The following ICA1 variants were observed in gnomAD, a reference collection of about 807,000 sequenced individuals.
ICA1 encodes 69 kDa islet cell autoantigen.
In ICA1, 40 loss-of-function variants were observed where a neutral mutation model predicts 71.0. The observed-to-expected ratio is 0.56, with a 90% CI of 0.44 to 0.73. ICA1 has a LOEUF of 0.73. Among genes scored for constraint, ICA1 ranks in the 30% least tolerant of loss-of-function variants. ICA1 has a pLI of 0.00. For synonymous variants in ICA1, 207 were observed against 209.5 expected (o/e 0.99, Z 0.10); for missense variants, 578 against 576.5 (o/e 1.00, Z -0.03).
chr7:8,143,764 G>A, intron 9 of ICA1, 111 bp downstream of exon 9: 2 of 690,122 alleles, frequency 2.9e-6, no homozygotes, highest in Non-Finnish European at 5.2e-6. Flanking sequence ...TCTGAGAAGT[G>A]AGGAAGTAAG....
chr7:8,197,827 G>C (rs1475631173), intron 6 of ICA1, among the ~76,000 whole-genome samples: 2 of 152,024 alleles, frequency 1.3e-5, no homozygotes, highest in African/African-American at 4.8e-5. Context: ...TCTGGCAATG[G>C]AAAAAACCTA....
At chr7:8,146,742 CGTGT>C (rs111464131) in intron 8 of ICA1, among the ~76,000 whole-genome samples, 51 of 143,686 alleles carry the variant, frequency 3.5e-4, no homozygotes, top group African/African-American at 9.8e-4. Context: ...TGTGCGTGTG[CGTGT>C]GTGTGTGTGT....
At chr7:8,170,809 T>C (rs1319044783) in intron 6 of ICA1, among the ~76,000 whole-genome samples, 2 of 152,004 alleles carry the variant, frequency 1.3e-5, no homozygotes, top group Non-Finnish European at 2.9e-5. Flanking sequence ...TTAATTTATA[T>C]GTCTTTTATT....
At chr7:8,208,913 G>C (rs1476522959) in intron 6 of ICA1, among the ~76,000 whole-genome samples, 1 of 152,182 alleles carries the variant, frequency 6.6e-6, no homozygotes, top group East Asian at 1.9e-4. Context: ...GCACTGAGGA[G>C]CCCTTGTTAA....
chr7:8,243,867 G>A lies in ICA1; in HGVS notation c.-79-7862C>T, dbSNP rs1008505903. 6.6e-5 allele frequency among the ~76,000 whole-genome samples: 10 copies of A among 152,310 alleles called. No homozygotes were observed. In the East Asian group the frequency reaches 1.9e-3, roughly 29 times the overall value. On this transcript the variant is annotated intron_variant, in intron 1 of 13. Coordinates refer to ENST00000402384, the MANE Select transcript of ICA1 (RefSeq NM_001136020.3). The stretch of plus-strand genomic sequence containing the variant: ...CAGGAATCCAACTTACAAGGGATGT[G>A]AAGGACCTCTTCAAGGAGAACTACA...
intron 13 of ICA1, chr7:8,114,788 T>G (rs756171778): frequency 6.6e-6 from 1 of 152,262 alleles, no homozygotes; most frequent in Non-Finnish European, 1.5e-5. Flanking sequence ...CTAAATAAGA[T>G]GAAGGCTTTG....
chr7:8,167,701 TG>T (rs1806599680), intron 6 of ICA1, among the ~76,000 whole-genome samples: 1 of 152,098 alleles, frequency 6.6e-6, no homozygotes, highest in South Asian at 2.1e-4. Context: ...GTGGTTTAAA[TG>T]GGGGGTGGCA....
Position 8,141,834 on chromosome 7 carries a change from G to A in ICA1, c.903-17C>T, listed in dbSNP as rs373928762. 116 of 1,525,628 alleles carry A rather than the reference G, an allele frequency of 7.6e-5. No individual in the cohort carries two copies. Among genetic ancestry groups the A allele is most frequent in the Admixed American group, 3.9e-4 (22 of 56,858 alleles). 94.5% of individuals were successfully genotyped at this position (1,525,628 alleles called of 1,614,324 possible). Reference sequence around the variant, plus strand: ...GAAATTAATCTTAAAATAAAAAAGAGGTTTAGTCATCAACTTCTACCAATG... The same window carrying A: ...GAAATTAATCTTAAAATAAAAAAGAAGTTTAGTCATCAACTTCTACCAATG... On this transcript the variant is annotated splice_polypyrimidine_tract_variant and intron_variant, in intron 9 of 13. Coordinates refer to ENST00000402384, the MANE Select transcript of ICA1 (RefSeq NM_001136020.3).
Position 8,222,174 on chromosome 7 carries a change from G to C in ICA1, c.257-776C>G, listed in dbSNP as rs1200807724. Among the ~76,000 whole-genome samples the C allele has an allele frequency of 6.6e-6, 1 of 152,164 alleles. No individual in the cohort carries two copies. Among genetic ancestry groups the C allele is most frequent in the Admixed American group, 6.5e-5 (1 of 15,272 alleles). On this transcript the variant is annotated intron_variant, in intron 4 of 13. Coordinates refer to ENST00000402384, the MANE Select transcript of ICA1 (RefSeq NM_001136020.3). The surrounding 1 kb of genome is among the most constrained non-coding windows in gnomAD (Gnocchi z 4.8). ...GAAGTAGCAAAATGGGCACAAAGAT[G>C]TAAATGCAAAAACAATCATAGCATC...
chr7:8,238,850 G>A (rs187728401), intron 1 of ICA1, among the ~76,000 whole-genome samples: 24 of 152,206 alleles, frequency 1.6e-4, no homozygotes, highest in East Asian at 5.8e-4. Context: ...GAAATCTTCC[G>A]GGGATACTAA....
At chr7:8,228,821 G>C in intron 3 of ICA1, 148 bp from the exon 4 acceptor site, 1 of 455,296 alleles carries the variant, frequency 2.2e-6, no homozygotes. Flanking sequence ...GTACTATACA[G>C]AAACTGTGAC....
chr7:8,246,544 T>A (rs1274052980), intron 1 of ICA1, among the ~76,000 whole-genome samples: 2 of 152,190 alleles, frequency 1.3e-5, no homozygotes, highest in Non-Finnish European at 2.9e-5. Flanking sequence ...CTTTAGATTT[T>A]CCTAGACTGC....
chr7:8,122,911 T>G (rs1478838113), intron 13 of ICA1, among the ~76,000 whole-genome samples: 1 of 152,184 alleles, frequency 6.6e-6, no homozygotes, highest in Admixed American at 6.5e-5. Context: ...TGGTAATCTT[T>G]CTAGTATCAG....
intron 6 of ICA1, among the ~76,000 whole-genome samples, chr7:8,206,733 G>GAAAAAAAAAA (rs60704635): frequency 7.4e-6 from 1 of 135,612 alleles, no homozygotes; most frequent in Non-Finnish European, 1.5e-5. Context: ...GGTTTAAAAT[G>GAAAAAAAAAA]AAAAAAAAAA....
rs543467694 is a variant in ICA1, at chr7:8,251,937, C to T, written c.-80+10157G>A. On this transcript the variant is annotated intron_variant, in intron 1 of 13. Coordinates refer to ENST00000402384, the MANE Select transcript of ICA1 (RefSeq NM_001136020.3). ...TAAAGCCCTCCTTTCAAAGGATGAT[C>T]GATGGTGAATTTTGTGCTACACCAA... 2.0e-5 allele frequency among the ~76,000 whole-genome samples: 3 copies of T among 152,094 alleles called. No homozygotes were observed. In the South Asian group the frequency reaches 6.2e-4, roughly 32 times the overall value.
chr7:8,208,370 C>T (rs1414964284), intron 6 of ICA1, among the ~76,000 whole-genome samples: 2 of 151,768 alleles, frequency 1.3e-5, no homozygotes, highest in Non-Finnish European at 1.5e-5. Context: ...AAATAAAACC[C>T]ATGCTCTATT....
At chr7:8,162,164 T>G (rs1239137241) in intron 6 of ICA1, among the ~76,000 whole-genome samples, 1 of 152,226 alleles carries the variant, frequency 6.6e-6, no homozygotes, top group East Asian at 1.9e-4. Context: ...AGGAGAAAAC[T>G]TATTTCACTT....
At chr7:8,164,783 A>G (rs768450085) in intron 6 of ICA1, among the ~76,000 whole-genome samples, 6 of 152,228 alleles carry the variant, frequency 3.9e-5, no homozygotes, top group Non-Finnish European at 7.3e-5. Context: ...GTCACTTCAA[A>G]AACAGAAGGT....
chr7:8,234,734 T>G lies in ICA1; in HGVS notation c.17+1176A>C, dbSNP rs6975606. Among the ~76,000 whole-genome samples, 15,855 of 152,182 alleles carry G rather than the reference T, an allele frequency of 0.1. 2,004 individuals are homozygous for G. Among genetic ancestry groups the G allele is most frequent in the African/African-American group, 0.3 (12,269 of 41,444 alleles). Reference sequence around the variant, plus strand: ...TTAAAAGTCGTATTATGAGCTCATATCAGAGAAAATAAGATAATGTATAAA... The same window carrying G: ...TTAAAAGTCGTATTATGAGCTCATAGCAGAGAAAATAAGATAATGTATAAA... On this transcript the variant is annotated intron_variant, in intron 2 of 13. Transcript: ENST00000402384. This position sits in a 1 kb window ranked among gnomAD's most constrained non-coding sequence, Gnocchi z 4.5.
Sources: allele counts gnomAD v4.1 joint callset (sites outside exome capture counted in the v4.1 genomes callset), GRCh38; gene constraint gnomAD v4.1.1; non-coding constraint Gnocchi (gnomAD v3.1); transcripts MANE v1.5; gene names NCBI Gene and HGNC (gene_info 2026-07-23, HGNC 2026-07-21).